DMD: variants seen among roughly 807,000 people sequenced by gnomAD.
DMD encodes the protein dystrophin.
DMD carries 63 observed loss-of-function variants against 330.1 expected under a neutral mutation model. The ratio of observed to expected loss-of-function variants is 0.19; its 90% CI spans 0.16 to 0.24. DMD has a LOEUF of 0.24. DMD is among the 10% of genes least tolerant of loss of function. The pLI, the probability that DMD is intolerant of heterozygous loss-of-function variation, is 1.00. For missense variants in DMD, 3,344 were observed against 2,684.1 expected (o/e 1.25, Z -5.43); for synonymous variants, 1,223 against 959.8 (o/e 1.27, Z -5.07).
chrX:32,667,113 T>C (rs960165834), intron 9 of DMD, among the ~76,000 whole-genome samples: 1 of 111,531 alleles, frequency 9.0e-6, no homozygotes, highest in Admixed American at 9.6e-5. Flanking sequence ...ATCTTGCCAT[T>C]TGCTACAACA....
At chrX:32,027,403 T>C (rs1012102958) in intron 44 of DMD, among the ~76,000 whole-genome samples, 1 of 111,767 alleles carries the variant, frequency 8.9e-6, no homozygotes, top group Non-Finnish European at 1.9e-5. Context: ...AAAGGAATTC[T>C]TGAAGTTGGG....
At chrX:32,561,667 GC>G (rs1308217630) in intron 16 of DMD, among the ~76,000 whole-genome samples, 2 of 111,154 alleles carry the variant, frequency 1.8e-5, no homozygotes, top group African/African-American at 6.5e-5. Context: ...TACTCACTGA[GC>G]AGAAGCCAGC....
At chrX:33,314,559 GTTTTTTTTTTGT>G (rs2053900686) in intron 1 of DMD, among the ~76,000 whole-genome samples, 1 of 57,485 alleles carries the variant, frequency 1.7e-5, no homozygotes, top group Non-Finnish European at 3.2e-5. Context: ...TGCCCAGCCT[GTTTTTTTTTTGT>G]TTTTTTTTTT....
rs2147935115 is a variant in DMD at position 32,411,819 on chromosome X, A to G, written c.4166T>C (p.Ile1389Thr). The G allele has an allele frequency of 8.3e-7, 1 of 1,211,300 alleles. No homozygotes were observed. The highest frequency in any genetic ancestry group is 2.3e-4 in the Middle Eastern group (1 of 4,355). Residue 1389 changes from isoleucine to threonine, a missense_variant, in exon 30 of 79, where the codon ATT (isoleucine) becomes ACT (threonine). Transcript: ENST00000357033. ...AATATAAGCTGCCAACTGCTTGTCA[A>G]TGAATGTGAGGGACTCCTGGATTAA... ...LHLIQESLTF[I>T]DKQLAAYIAD...
At chrX:31,288,470 A>G (rs973605594) in intron 62 of DMD, among the ~76,000 whole-genome samples, 1 of 111,885 alleles carries the variant, frequency 8.9e-6, no homozygotes, top group Non-Finnish European at 1.9e-5. Flanking sequence ...AAGCTGGTCA[A>G]TCGTTGAGCC....
In DMD at chrX:32,876,120, A is replaced by T. The variant is rs111565706; in HGVS notation, c.94-26300T>A. Among the ~76,000 whole-genome samples, 160 of 111,284 alleles carry T rather than the reference A, an allele frequency of 1.4e-3. 1 individual carries two copies. Among genetic ancestry groups the T allele is most frequent in the African/African-American group, 5.0e-3 (153 of 30,622 alleles). ...TCAAAGACAATATATCCCAAATACA[A>T]ATCACTTCCCCATCATAGTTTTGCT... On this transcript the variant is annotated intron_variant, in intron 2 of 78. Transcript: ENST00000357033.
intron 30 of DMD, among the ~76,000 whole-genome samples, chrX:32,402,315 A>T (rs752617219): frequency 4.7e-4 from 52 of 111,817 alleles, no homozygotes; most frequent in African/African-American, 1.6e-3. Context: ...TTCTCTATTC[A>T]ATAGGGTTTT....
At chrX:32,178,156 T>G (rs1357834455) in intron 44 of DMD, among the ~76,000 whole-genome samples, 1 of 105,972 alleles carries the variant, frequency 9.4e-6, no homozygotes, top group Non-Finnish European at 1.9e-5. Context: ...GAAACCTACC[T>G]TATGGCCAGA....
At position 32,298,802 on chromosome X, in the gene DMD, C is replaced by T. The variant is rs2097508516; in HGVS notation, c.6118-11101G>A. ...GCATAGATTCACTGCTGCTGGGGCC[C>T]AACAGAGAAGGCACCCAGCAGGAGG... On this transcript the variant is annotated intron_variant, in intron 42 of 78. Transcript: ENST00000357033. Among the ~76,000 whole-genome samples the T allele has an allele frequency of 4.5e-5, 5 of 110,341 alleles. No homozygotes were observed. In the South Asian group the frequency reaches 1.6e-3, roughly 34 times the overall value.
At chrX:32,203,965 T>TATAAGA (rs1437929718) in intron 44 of DMD, among the ~76,000 whole-genome samples, 1 of 111,775 alleles carries the variant, frequency 8.9e-6, no homozygotes, top group Non-Finnish European at 1.9e-5. Flanking sequence ...ACTTTACTGA[T>TATAAGA]GACAATATAA....
chrX:31,973,135 C>A (rs1337180757), intron 44 of DMD, among the ~76,000 whole-genome samples: 1 of 109,974 alleles, frequency 9.1e-6, no homozygotes, highest in Non-Finnish European at 1.9e-5. Context: ...AGCACCAGGA[C>A]CCATTCAACT....
At chrX:32,135,172 C>G (rs1294980263) in intron 44 of DMD, among the ~76,000 whole-genome samples, 1 of 112,043 alleles carries the variant, frequency 8.9e-6, no homozygotes, top group Non-Finnish European at 1.9e-5. Context: ...ATTATTTGAG[C>G]TATAGATGTG....
At chrX:33,222,359 AC>A (rs1040144411) in intron 1 of DMD, among the ~76,000 whole-genome samples, 3 of 112,187 alleles carry the variant, frequency 2.7e-5, no homozygotes, top group Admixed American at 1.9e-4. Flanking sequence ...TCTTGAAACA[AC>A]CTGTCTGAAA....
At chrX:33,330,534 A>C (rs965794862) in intron 1 of DMD, among the ~76,000 whole-genome samples, 1 of 111,986 alleles carries the variant, frequency 8.9e-6, no homozygotes, top group Admixed American at 9.5e-5. Flanking sequence ...TAAAGATAGC[A>C]TAGGAAAAAG....
intron 44 of DMD, among the ~76,000 whole-genome samples, chrX:32,199,475 C>T (rs762029634): frequency 9.0e-6 from 1 of 110,737 alleles, no homozygotes; most frequent in African/African-American, 3.3e-5. Flanking sequence ...TGATGACTCA[C>T]GGTTGCACGC....
chrX:32,643,624 ATTC>A (rs1414771659), intron 11 of DMD, among the ~76,000 whole-genome samples: 1 of 111,616 alleles, frequency 9.0e-6, no homozygotes, highest in African/African-American at 3.2e-5. Context: ...GTCAATATAT[ATTC>A]TTAAGATAAT....
intron 60 of DMD, among the ~76,000 whole-genome samples, chrX:31,363,676 C>T (rs1452211605): frequency 2.7e-5 from 3 of 112,069 alleles, no homozygotes; most frequent in African/African-American, 9.7e-5. Context: ...CCGTGCCCGG[C>T]CAAGACATGT....
chrX:33,052,552 G>A (rs2094469551), intron 1 of DMD, among the ~76,000 whole-genome samples: 1 of 111,412 alleles, frequency 9.0e-6, no homozygotes, highest in African/African-American at 3.3e-5. Context: ...GAATTCAAGG[G>A]ACTGAACACA....
chrX:31,687,585 G>A (rs1466261857), intron 52 of DMD, among the ~76,000 whole-genome samples: 1 of 111,788 alleles, frequency 8.9e-6, no homozygotes, highest in African/African-American at 3.3e-5. Flanking sequence ...TTTTAAAAGG[G>A]CAAGGAAGAG....
Sources: allele counts gnomAD v4.1 joint callset (sites outside exome capture counted in the v4.1 genomes callset), GRCh38; gene constraint gnomAD v4.1.1; transcripts MANE v1.5; gene names NCBI Gene and HGNC (gene_info 2026-07-23, HGNC 2026-07-21).